SCARA5: variants seen among roughly 807,000 people sequenced by gnomAD.
SCARA5 encodes the protein scavenger receptor class A member 5.
SCARA5 carries 45 observed loss-of-function variants against 46.3 expected under a neutral mutation model. That is an observed-to-expected ratio of 0.97 (90% CI 0.76 to 1.24). The LOEUF (loss-of-function observed/expected upper bound fraction) is 1.24. Among genes scored for constraint, SCARA5 ranks in the 50% most tolerant of loss-of-function variants. The pLI is 0.00. For synonymous variants in SCARA5, 333 were observed against 306.5 expected (o/e 1.09, Z -0.90); for missense variants, 680 against 689.0 (o/e 0.99, Z 0.15).
intron 2 of SCARA5, among the ~76,000 whole-genome samples, chr8:27,977,464 C>A (rs1343466902): frequency 6.6e-6 from 1 of 152,328 alleles, no homozygotes; most frequent in East Asian, 1.9e-4. Flanking sequence ...TTCCCTCAGC[C>A]TCTGCTGTAG....
At chr8:27,985,975 G>C (rs576274230) in intron 2 of SCARA5, among the ~76,000 whole-genome samples, 1 of 152,222 alleles carries the variant, frequency 6.6e-6, no homozygotes, top group Non-Finnish European at 1.5e-5. Flanking sequence ...ACTAGGAAGT[G>C]GGTATGGTGG....
chr8:27,922,836 G>A (rs183780750), intron 3 of SCARA5, among the ~76,000 whole-genome samples: 15 of 152,278 alleles, frequency 9.9e-5, no homozygotes, highest in East Asian at 5.8e-4. Flanking sequence ...GAGCCCTCGC[G>A]TATTAGATTA....
intron 7 of SCARA5, among the ~76,000 whole-genome samples, chr8:27,900,906 T>C (rs924765919): frequency 3.3e-5 from 5 of 149,632 alleles, no homozygotes; most frequent in African/African-American, 1.2e-4. Context: ...AATCGGGACA[T>C]CTGGATTCTA....
At chr8:27,891,215 T>G (rs1216315009) in intron 7 of SCARA5, among the ~76,000 whole-genome samples, 2 of 151,698 alleles carry the variant, frequency 1.3e-5, no homozygotes, top group Non-Finnish European at 2.9e-5. Context: ...TTTTTGTTTT[T>G]TTTTTTAAAT....
intron 3 of SCARA5, among the ~76,000 whole-genome samples, chr8:27,962,479 G>A (rs1251099485): frequency 6.6e-6 from 1 of 152,110 alleles, no homozygotes; most frequent in African/African-American, 2.4e-5. Context: ...AATTTCACAG[G>A]GTTGTTTCTG....
intron 7 of SCARA5, among the ~76,000 whole-genome samples, chr8:27,890,808 G>A (rs887445737): frequency 2.6e-5 from 4 of 152,202 alleles, no homozygotes; most frequent in South Asian, 2.1e-4. Context: ...CTATATCCCC[G>A]CCTTGCTAAT....
intron 4 of SCARA5, among the ~76,000 whole-genome samples, chr8:27,918,414 T>C (rs1172710070): frequency 6.6e-6 from 1 of 151,810 alleles, no homozygotes; most frequent in East Asian, 1.9e-4. Flanking sequence ...TTCACTCTGA[T>C]AAATGCAGAA....
rs1395639577 is a variant in SCARA5 at position 27,870,492 on chromosome 8, C to T, written c.*1442G>A. The T allele has an allele frequency of 6.7e-6, 1 of 149,094 alleles. No individual in the cohort carries two copies. Among genetic ancestry groups the T allele is most frequent in the Non-Finnish European group, 1.5e-5 (1 of 67,968 alleles). 9.2% of individuals were successfully genotyped at this position (149,094 alleles called of 1,614,324 possible). A position where few individuals can be genotyped will look rare whatever the true frequency, so the allele number is the denominator to read the frequency against. On this transcript the variant is annotated 3_prime_UTR_variant, in exon 9 of 9. Transcript: ENST00000354914. The stretch of plus-strand genomic sequence containing the variant: ...GTTGCTGTTCCTACACCTGGAGGGG[C>T]CCAGGTCTCTCCCCAAGCAGGCCAG...
At chr8:27,988,321 A>C (rs1191548303) in intron 1 of SCARA5, among the ~76,000 whole-genome samples, 1 of 152,204 alleles carries the variant, frequency 6.6e-6, no homozygotes, top group African/African-American at 2.4e-5. Context: ...TTCTGTCTGC[A>C]TGGCCCCCAG....
At chr8:27,964,741 C>A (rs1039417783) in intron 3 of SCARA5, among the ~76,000 whole-genome samples, 1 of 152,234 alleles carries the variant, frequency 6.6e-6, no homozygotes, top group South Asian at 2.1e-4. Context: ...CTTCTCTTCC[C>A]CAAGAGACGA....
chr8:27,891,809 C>G (rs1020240631), intron 7 of SCARA5, among the ~76,000 whole-genome samples: 1 of 152,204 alleles, frequency 6.6e-6, no homozygotes, highest in African/African-American at 2.4e-5. Flanking sequence ...CTTAAAATAC[C>G]CGTCACCTCT....
chr8:27,922,149 AGCAGCC>A lies in SCARA5; in HGVS notation c.332_337del (p.Arg111_Leu112del), dbSNP rs749813154. 1 of 1,607,160 alleles carries A rather than the reference AGCAGCC, an allele frequency of 6.2e-7. No individual in the cohort carries two copies. Among genetic ancestry groups the A allele is most frequent in the South Asian group, 1.1e-5 (1 of 89,598 alleles). Reference sequence around the variant, plus strand: ...CAGGTCCGCTTGCAGCGGAGCCTGCAGCAGCCGCAGCTGCAAGTCCCGGAAGCTCTC... The same window carrying A: ...CAGGTCCGCTTGCAGCGGAGCCTGCAGCAGCTGCAAGTCCCGGAAGCTCTC... On this transcript the variant is annotated inframe_deletion, in exon 4 of 9. Transcript: ENST00000354914.
At chr8:27,952,840 A>C (rs570444145) in intron 3 of SCARA5, among the ~76,000 whole-genome samples, 1 of 152,202 alleles carries the variant, frequency 6.6e-6, no homozygotes, top group Non-Finnish European at 1.5e-5. Context: ...TAGTCGTAAC[A>C]CATACCCAGT....
intron 7 of SCARA5, among the ~76,000 whole-genome samples, chr8:27,899,662 C>G (rs2726979): frequency 0.87 from 132,117 of 152,252 alleles, 58,174 homozygotes; most frequent in Middle Eastern, 0.96. Context: ...CTGACCACTG[C>G]AATGCCCTTG....
chr8:27,876,145 C>T (rs988983200), intron 8 of SCARA5, among the ~76,000 whole-genome samples: 3 of 152,238 alleles, frequency 2.0e-5, no homozygotes, highest in South Asian at 2.1e-4. Flanking sequence ...TGTAGATAAG[C>T]GTGCACAACA....
intron 7 of SCARA5, among the ~76,000 whole-genome samples, chr8:27,897,082 A>G (rs2089899000): frequency 9.0e-6 from 1 of 111,186 alleles, no homozygotes; most frequent in African/African-American, 2.8e-5. Context: ...ACAGAGTGAG[A>G]CTCGGTCTCA....
At chr8:27,884,003 A>AC (rs374735235) in intron 7 of SCARA5, among the ~76,000 whole-genome samples, 514 of 152,196 alleles carry the variant, frequency 3.4e-3, no homozygotes, top group African/African-American at 0.012. Context: ...TCTGTGCCCC[A>AC]TGAGAAAGGA....
At chr8:27,979,649 G>A (rs1420908155) in intron 2 of SCARA5, among the ~76,000 whole-genome samples, 1 of 151,804 alleles carries the variant, frequency 6.6e-6, no homozygotes, top group Middle Eastern at 3.2e-3. Context: ...TGCCTCCCAG[G>A]TTCAAGCAAT....
At chr8:27,906,310 C>A (rs374279722) in intron 6 of SCARA5, among the ~76,000 whole-genome samples, 1 of 152,140 alleles carries the variant, frequency 6.6e-6, no homozygotes, top group Non-Finnish European at 1.5e-5. Context: ...AATCTTGAAG[C>A]GAGCATGAAA....
Sources: gnomAD v4.1 joint callset for allele counts (sites outside exome capture counted in the v4.1 genomes callset) on GRCh38, gnomAD v4.1.1 for gene constraint, MANE v1.5 for transcripts, NCBI Gene and HGNC (gene_info 2026-07-23, HGNC 2026-07-21) for gene names.